Variants in KPNA6 observed in about 807,000 individuals in gnomAD.
KPNA6 encodes the protein importin subunit alpha-7.
A neutral mutation model predicts 72.0 loss-of-function variants in KPNA6; 9 were observed. The observed-to-expected ratio is 0.13, with a 90% CI of 0.08 to 0.22. The LOEUF (loss-of-function observed/expected upper bound fraction) is 0.22. Ranked by LOEUF, KPNA6 falls within the 10% of genes least tolerant of loss-of-function variation. The pLI is 1.00. For missense variants in KPNA6, 374 were observed against 655.7 expected (o/e 0.57, Z 4.69); for synonymous variants, 219 against 242.1 (o/e 0.90, Z 0.89).
chr1:32,158,497 G>A (rs1642183826), intron 5 of KPNA6, 136 bp downstream of exon 5: 4 of 557,952 alleles, frequency 7.2e-6, no homozygotes, highest in South Asian at 2.4e-5. Context: ...TGGAGAATGG[G>A]GTATCCATTT....
Position 32,132,615 on chromosome 1 carries a change from G to A in KPNA6, c.5-21973G>A, listed in dbSNP as rs112391283. 2.0e-4 allele frequency among the ~76,000 whole-genome samples: 30 copies of A among 152,236 alleles called. 1 individual carries two copies. The highest frequency in any genetic ancestry group is 7.0e-4 in the African/African-American group (29 of 41,584). ...GCAGCCATTTTATTTTAAAAATATG[G>A]GGTCCCAGCCCAGCGTGGTGGCTCA... On this transcript the variant is annotated intron_variant, in intron 1 of 13. Coordinates refer to ENST00000373625, the MANE Select transcript of KPNA6 (RefSeq NM_012316.5).
chr1:32,148,795 G>A (rs1018630324), intron 1 of KPNA6, among the ~76,000 whole-genome samples: 2 of 151,962 alleles, frequency 1.3e-5, no homozygotes, highest in African/African-American at 2.4e-5. Flanking sequence ...CTGACCTTGT[G>A]ATCCACCCGC....
chr1:32,119,024 A>ATTTTTTT (rs1557457192), intron 1 of KPNA6, among the ~76,000 whole-genome samples: 2 of 74,322 alleles, frequency 2.7e-5, no homozygotes, highest in Admixed American at 1.7e-4. Flanking sequence ...ATATATATAT[A>ATTTTTTT]TATATATATT....
chr1:32,170,081 C>T, intron 13 of KPNA6, 21 bp downstream of exon 13: 1 of 1,606,430 alleles, frequency 6.2e-7, no homozygotes, highest in Non-Finnish European at 8.5e-7. Flanking sequence ...TCTCCTCAAT[C>T]TAGGTCAGAA....
At chr1:32,150,384 C>T (rs1201318217) in intron 1 of KPNA6, among the ~76,000 whole-genome samples, 1 of 151,986 alleles carries the variant, frequency 6.6e-6, no homozygotes, top group African/African-American at 2.4e-5. Context: ...CCATCTGCCT[C>T]GGCCTCCCAA....
At chr1:32,116,653 A>C (rs914479314) in intron 1 of KPNA6, among the ~76,000 whole-genome samples, 14 of 152,104 alleles carry the variant, frequency 9.2e-5, no homozygotes, top group African/African-American at 2.7e-4. Flanking sequence ...TTCACAACAA[A>C]AAAAAAGAAC....
At chr1:32,132,210 A>G (rs1641651335) in intron 1 of KPNA6, among the ~76,000 whole-genome samples, 1 of 152,228 alleles carries the variant, frequency 6.6e-6, no homozygotes, top group East Asian at 1.9e-4. Flanking sequence ...ACCTCAGGTG[A>G]TCTGCCCGCC....
rs368472533 is a variant in KPNA6, at chr1:32,108,212, C to A, written c.4+78C>A. 1.6e-5 allele frequency: 26 copies of A among 1,593,676 alleles called. 1 individual carries two copies. In the Middle Eastern group the frequency reaches 1.3e-3, roughly 77 times the overall value. ...CTGGGATTTGGCGAGAGCCTGTCTC[C>A]GGTCTGCGGAAGATGTCTGCATCCC... On this transcript the variant is annotated intron_variant, in intron 1 of 13. Transcript: ENST00000373625.
intron 1 of KPNA6, among the ~76,000 whole-genome samples, chr1:32,130,222 A>ATTTTTTTTTTTTTTTTTTTTTTT (rs55953899): frequency 9.7e-6 from 1 of 103,140 alleles, no homozygotes; most frequent in African/African-American, 3.5e-5. Context: ...GTAGATAAAT[A>ATTTTTTTTTTTTTTTTTTTTTTT]TTTTTTTTTT....
Position 32,171,048 on chromosome 1 carries a change from C to G in KPNA6, c.*154C>G. The G allele has an allele frequency of 1.5e-6, 1 of 646,168 alleles. No homozygotes were observed. The highest frequency in any genetic ancestry group is 2.7e-6 in the Non-Finnish European group (1 of 375,014). The allele number at this position is 646,168 out of a possible 1,614,324, so 40.0% of individuals were successfully genotyped here. On this transcript the variant is annotated 3_prime_UTR_variant, in exon 14 of 14. Coordinates refer to ENST00000373625, the MANE Select transcript of KPNA6 (RefSeq NM_012316.5). Reference sequence around the variant, plus strand: ...CTCTTGACCTGCTCCGCCCCCTTCCCTGGAGGGAGCACCCTCTGGACAGAC... The same window carrying G: ...CTCTTGACCTGCTCCGCCCCCTTCCGTGGAGGGAGCACCCTCTGGACAGAC...
Position 32,166,113 on chromosome 1 carries a change from T to G in KPNA6, c.999T>G (p.Leu333=). 2 of 1,611,954 alleles carry G rather than the reference T, an allele frequency of 1.2e-6. No individual in the cohort carries two copies. Among genetic ancestry groups the G allele is most frequent in the African/African-American group, 2.7e-5 (2 of 74,912 alleles). ...TGCTTTTGGTGTTCTAGGTCATTCT[T>G]AACTGTTCAGCCCTACCTTGCCTTC... The part of the protein sequence containing the change: ...TGDDIQTQVI[L]NCSALPCLLH... Residue 333 remains leucine, a synonymous_variant, in exon 11 of 14, where the codon CTT becomes CTG. Transcript: ENST00000373625.
At chr1:32,128,660 T>C (rs2124533184) in intron 1 of KPNA6, among the ~76,000 whole-genome samples, 1 of 151,934 alleles carries the variant, frequency 6.6e-6, no homozygotes, top group African/African-American at 2.4e-5. Flanking sequence ...GACCCAATTG[T>C]CCAGTAGAAG....
At chr1:32,131,631 C>T (rs1329007651) in intron 1 of KPNA6, among the ~76,000 whole-genome samples, 2 of 149,626 alleles carry the variant, frequency 1.3e-5, no homozygotes, top group Admixed American at 1.3e-4. Flanking sequence ...TACATATATA[C>T]ATATATGTAT....
At chr1:32,153,574 A>G (rs1172033739) in intron 1 of KPNA6, among the ~76,000 whole-genome samples, 28 of 120,994 alleles carry the variant, frequency 2.3e-4, no homozygotes, top group African/African-American at 7.7e-4. Flanking sequence ...TCTGTCTCAA[A>G]AAAAAAAAAA....
chr1:32,113,459 TTTTA>T (rs1479431769), intron 1 of KPNA6, among the ~76,000 whole-genome samples: 1 of 152,120 alleles, frequency 6.6e-6, no homozygotes, highest in African/African-American at 2.4e-5. Context: ...TATATGTTTT[TTTTA>T]TTTATTAAGA....
rs867039862 is a variant in KPNA6 at position 32,170,874 on chromosome 1, A to G, written c.1591A>G (p.Met531Val). Residue 531 changes from methionine to valine, a missense_variant, in exon 14 of 14, where the codon ATG becomes GTG. By Grantham distance (21) the Met-to-Val change is conservative (BLOSUM62 1). This residue lies in a region of KPNA6 where 42 missense variants were observed against 49.8 expected (regional missense o/e 0.84). Transcript: ENST00000373625. ...QFIFQQPEAP[M>V]EGFQL Reference sequence around the variant, plus strand: ...CATCTTCCAGCAGCCTGAGGCCCCCATGGAGGGCTTCCAGCTATAATATCT... The same window carrying G: ...CATCTTCCAGCAGCCTGAGGCCCCCGTGGAGGGCTTCCAGCTATAATATCT... 5 of 1,614,110 alleles carry G rather than the reference A, an allele frequency of 3.1e-6. No individual in the cohort carries two copies. The highest frequency in any genetic ancestry group is 2.2e-5 in the East Asian group (1 of 44,872).
At chr1:32,128,438 C>CAT (rs1641579835) in intron 1 of KPNA6, among the ~76,000 whole-genome samples, 1 of 131,482 alleles carries the variant, frequency 7.6e-6, no homozygotes, top group Admixed American at 7.7e-5. Context: ...CACACACACA[C>CAT]ACATATATAT....
intron 1 of KPNA6, among the ~76,000 whole-genome samples, chr1:32,149,410 G>T (rs1205872665): frequency 8.6e-5 from 13 of 152,026 alleles, no homozygotes; most frequent in Admixed American, 7.2e-4. Flanking sequence ...ATTTAAAATA[G>T]AAACAGGGTC....
rs552058438 is a variant in KPNA6, at chr1:32,135,143, C to T, written c.5-19445C>T. 5.0e-4 allele frequency among the ~76,000 whole-genome samples: 76 copies of T among 152,264 alleles called. 2 individuals carry two copies. The highest frequency in any genetic ancestry group is 1.3e-4 in the Non-Finnish European group (9 of 68,018). On this transcript the variant is annotated intron_variant, in intron 1 of 13. Transcript: ENST00000373625. ...AGTGCAGTGGCGCAATCTCAGCTCA[C>T]CGCAACCTCCACCTCGCGGGTTCAA...
Sources: allele counts gnomAD v4.1 joint callset (sites outside exome capture counted in the v4.1 genomes callset), GRCh38; gene constraint gnomAD v4.1.1; regional missense constraint gnomAD v4.1.1; transcripts MANE v1.5; gene names NCBI Gene and HGNC (gene_info 2026-07-23, HGNC 2026-07-21).